The following UNC13B variants were observed in gnomAD, a reference collection of about 807,000 sequenced individuals.
UNC13B encodes protein unc-13 homolog B.
UNC13B carries 144 observed loss-of-function variants against 211.0 expected under a neutral mutation model. The ratio of observed to expected loss-of-function variants is 0.68; its 90% CI spans 0.60 to 0.78. The LOEUF is 0.78. UNC13B is among the 30% of genes least tolerant of loss of function. The pLI is 0.00. For synonymous variants in UNC13B, 709 were observed against 725.8 expected, an observed-to-expected ratio of 0.98 and a Z score of 0.37; for missense variants, 1,777 against 2,002.0, an observed-to-expected ratio of 0.89 and a Z score of 2.14.
At chr9:35,355,332 G>A (rs900046825) in intron 11 of UNC13B, among the ~76,000 whole-genome samples, 2 of 152,162 alleles carry the variant, frequency 1.3e-5, no homozygotes, top group African/African-American at 2.4e-5. Context: ...ATTTTTCTCT[G>A]TGTGCCTTCT....
chr9:35,303,783 C>A lies in UNC13B; in HGVS notation c.4379C>A (p.Pro1460Gln). 1 of 398,730 alleles carries A rather than the reference C, an allele frequency of 2.5e-6. No homozygotes were observed. The highest frequency in any genetic ancestry group is 4.4e-6 in the Non-Finnish European group (1 of 225,834). 24.7% of individuals were successfully genotyped at this position (398,730 alleles called of 1,614,324 possible). A position where few individuals can be genotyped will look rare whatever the true frequency, so the allele number is the denominator to read the frequency against. ...TTATATGGAAACTCTGGTCCTCTTC[C>A]AATTAATGAGGCTAATAATTCACTA... ...NSLYGNSGPL[P>Q]INEANNSLEE... The change falls in exon 9 of 40, where the codon CCA (proline) becomes CAA (glutamine). Residue 1460 changes from proline to glutamine, a missense_variant. Pro to Gln is a moderately conservative substitution (Grantham distance 76, BLOSUM62 -1). Coordinates refer to ENST00000635942, the MANE Select transcript of UNC13B (RefSeq NM_001371189.2).
chr9:35,396,679 G>A, intron 27 of UNC13B, 77 bp downstream of exon 27: 1 of 1,602,402 alleles, frequency 6.2e-7, no homozygotes, highest in Middle Eastern at 1.8e-4. Context: ...ATTCATTTCA[G>A]CAAGCCAGTC....
intron 16 of UNC13B, 55 bp downstream of exon 16, chr9:35,377,750 T>G: frequency 1.3e-6 from 2 of 1,560,398 alleles, no homozygotes; most frequent in Non-Finnish European, 1.8e-6. Context: ...GGGAGGAGAC[T>G]GGGGAAGAAA....
rs539523414 is a variant in UNC13B, at chr9:35,404,108, C to A, written c.*75C>A. Reference sequence around the variant, plus strand: ...GGCCAGTGGGAGTTAGCTGTGTAACCGGCTTAGGGTCTTTGCAGTCAAGAG... The same window carrying A: ...GGCCAGTGGGAGTTAGCTGTGTAACAGGCTTAGGGTCTTTGCAGTCAAGAG... On this transcript the variant is annotated 3_prime_UTR_variant, in exon 40 of 40. Transcript: ENST00000635942. 6.5e-7 allele frequency: 1 copy of A among 1,541,320 alleles called. No individual in the cohort carries two copies. Among genetic ancestry groups the A allele is most frequent in the South Asian group, 1.2e-5 (1 of 80,988 alleles).
intron 12 of UNC13B, among the ~76,000 whole-genome samples, chr9:35,368,936 C>T (rs571850161): frequency 2.0e-5 from 3 of 152,220 alleles, no homozygotes; most frequent in East Asian, 3.9e-4. Flanking sequence ...TTGTAAAATA[C>T]ACACATGTCA....
chr9:35,203,355 G>T (rs976360155), intron 1 of UNC13B, among the ~76,000 whole-genome samples: 1 of 152,264 alleles, frequency 6.6e-6, no homozygotes, highest in East Asian at 1.9e-4. Flanking sequence ...AGGCCTGGTG[G>T]TGACAAAATC....
chr9:35,251,321 C>T (rs907293016), intron 6 of UNC13B, among the ~76,000 whole-genome samples: 3 of 152,064 alleles, frequency 2.0e-5, no homozygotes, highest in Admixed American at 6.5e-5. Flanking sequence ...TGTGTTGGCT[C>T]ATGCCAGTAA....
intron 11 of UNC13B, chr9:35,342,472 G>T (rs1449572942): frequency 3.3e-6 from 2 of 598,868 alleles, no homozygotes; most frequent in East Asian, 1.4e-4. Flanking sequence ...GGTGAGGGGG[G>T]TCATTATAAT....
chr9:35,217,903 G>A (rs1824347025), intron 1 of UNC13B, among the ~76,000 whole-genome samples: 1 of 152,032 alleles, frequency 6.6e-6, no homozygotes, highest in African/African-American at 2.4e-5. Context: ...AATTAGCCAG[G>A]CGTGGTGGCA....
chr9:35,228,388 CA>C (rs1255111854), intron 2 of UNC13B, among the ~76,000 whole-genome samples: 18 of 151,538 alleles, frequency 1.2e-4, no homozygotes, highest in Non-Finnish European at 2.2e-4. Context: ...GCACAACGTG[CA>C]GGTTTGTTAC....
At chr9:35,362,552 G>A (rs1394461369) in intron 11 of UNC13B, among the ~76,000 whole-genome samples, 2 of 152,168 alleles carry the variant, frequency 1.3e-5, no homozygotes, top group Non-Finnish European at 2.9e-5. Context: ...GCTCACGCCT[G>A]TAATCCCAGC....
intron 1 of UNC13B, among the ~76,000 whole-genome samples, chr9:35,169,162 G>A (rs1821204710): frequency 1.3e-5 from 2 of 152,130 alleles, no homozygotes; most frequent in Non-Finnish European, 2.9e-5. Flanking sequence ...ACCAGCCTGG[G>A]CAACATAGCA....
intron 6 of UNC13B, among the ~76,000 whole-genome samples, chr9:35,250,431 C>T (rs1234828905): frequency 1.3e-5 from 2 of 152,068 alleles, no homozygotes; most frequent in Non-Finnish European, 2.9e-5. Flanking sequence ...ACATGTGGTC[C>T]TTTGTTTTCT....
At chr9:35,334,812 G>A (rs933275564) in intron 11 of UNC13B, among the ~76,000 whole-genome samples, 2 of 152,272 alleles carry the variant, frequency 1.3e-5, no homozygotes, top group Admixed American at 1.3e-4. Context: ...TGAGGCGAGT[G>A]GATCACCTGA....
intron 7 of UNC13B, among the ~76,000 whole-genome samples, chr9:35,275,921 TA>T (rs1828150035): frequency 6.6e-6 from 1 of 152,150 alleles, no homozygotes; most frequent in Non-Finnish European, 1.5e-5. Context: ...AATACTACAA[TA>T]AAATGTCCAC....
chr9:35,219,106 G>A (rs1200743182), intron 1 of UNC13B, among the ~76,000 whole-genome samples: 1 of 152,146 alleles, frequency 6.6e-6, no homozygotes, highest in Non-Finnish European at 1.5e-5. Flanking sequence ...AAAATCTGGA[G>A]GAGAGTTTAG....
intron 24 of UNC13B, among the ~76,000 whole-genome samples, chr9:35,389,406 T>C (rs576443690): frequency 6.6e-6 from 1 of 152,226 alleles, no homozygotes; most frequent in East Asian, 1.9e-4. Flanking sequence ...TTCTCAGAGC[T>C]GAGATGTGTA....
intron 1 of UNC13B, among the ~76,000 whole-genome samples, chr9:35,192,511 A>G (rs758123234): frequency 3.0e-4 from 46 of 152,324 alleles, no homozygotes; most frequent in African/African-American, 1.0e-3. Context: ...CTATATACCT[A>G]TCAGGGTCAT....
At chr9:35,174,680 T>G (rs956342050) in intron 1 of UNC13B, among the ~76,000 whole-genome samples, 1 of 152,126 alleles carries the variant, frequency 6.6e-6, no homozygotes, top group African/African-American at 2.4e-5. Context: ...CCCGAGTAGC[T>G]GGGACTACAG....
Sources: gnomAD v4.1 joint callset for allele counts (sites outside exome capture counted in the v4.1 genomes callset) on GRCh38, gnomAD v4.1.1 for gene constraint, MANE v1.5 for transcripts, NCBI Gene and HGNC (gene_info 2026-07-23, HGNC 2026-07-21) for gene names.